Variants in DKK4 observed in about 807,000 individuals in gnomAD.
DKK4 encodes the protein dickkopf-related protein 4.
DKK4 carries 15 observed loss-of-function variants against 14.5 expected under a neutral mutation model. That is an observed-to-expected ratio of 1.03 (90% confidence interval 0.69 to 1.59). DKK4 has a LOEUF of 1.59. DKK4 is among the 40% of genes most tolerant of loss of function. The probability of loss-of-function intolerance (pLI) is 0.00; values close to 1 mark genes in which losing one functional copy is unlikely to be tolerated. For missense variants in DKK4, 272 were observed against 280.3 expected (o/e 0.97, Z 0.21); for synonymous variants, 89 against 105.2 (o/e 0.85, Z 0.94).
the DKK4 span, among the ~76,000 whole-genome samples, chr8:42,386,297 T>C: frequency 6.7e-6 from 1 of 150,336 alleles, no homozygotes; most frequent in African/African-American, 2.4e-5. Context: ...AAAATTACAA[T>C]ACACACACAC....
chr8:42,376,610 C>A (rs1460358829), intron 1 of DKK4, among the ~76,000 whole-genome samples: 1 of 152,140 alleles, frequency 6.6e-6, no homozygotes. Flanking sequence ...GGGAATGTTT[C>A]ACCTATCTCA....
At chr8:42,379,374 TATATAG>T (rs1166810330), upstream of DKK4, among the ~76,000 whole-genome samples, 22 of 48,374 alleles carry the variant, frequency 4.5e-4, no homozygotes, top group South Asian at 7.4e-4. Context: ...TATATATATA[TATATAG>T]AGAGAGAGAG....
upstream of DKK4, among the ~76,000 whole-genome samples, chr8:42,378,943 CAAA>C (rs1166439885): frequency 8.1e-5 from 4 of 49,460 alleles, no homozygotes; most frequent in East Asian, 1.3e-3. Flanking sequence ...CCTGTCTCCA[CAAA>C]AAAAAAAAAA....
intron 3 of DKK4, 65 bp downstream of exon 3, chr8:42,374,696 C>T (rs1824522915): frequency 6.3e-7 from 1 of 1,599,696 alleles, no homozygotes; most frequent in East Asian, 2.2e-5. Flanking sequence ...CTCACCCTAT[C>T]CTTAAGAGGC....
chr8:42,379,408 GAGAGAGAGAGAGAGA>G (rs1563415752), upstream of DKK4, among the ~76,000 whole-genome samples: 17 of 131,054 alleles, frequency 1.3e-4, no homozygotes, highest in African/African-American at 4.2e-4. Flanking sequence ...GAGAGAGAGA[GAGAGAGAGAGAGAGA>G]GAGAAAGATT....
the DKK4 span, among the ~76,000 whole-genome samples, chr8:42,389,416 C>T: frequency 2.6e-5 from 4 of 152,244 alleles, no homozygotes; most frequent in African/African-American, 9.6e-5. Context: ...CACTTTATTT[C>T]GCCTACTAGG....
chr8:42,375,799 T>C lies in DKK4; in HGVS notation c.143A>G (p.Asn48Ser). Reference protein sequence around the residue: ...GSQCLSDTDCNTRKFCLQPRD... With the variant: ...GSQCLSDTDCSTRKFCLQPRD... ...GGGCTGGAGGCAGAACTTTCTGGTA[T>C]TGCAGTCCGTGTCAGACAGGCACTG... The change falls in exon 2 of 4, where the codon AAT becomes AGT. Residue 48 changes from asparagine to serine, a missense_variant. Physicochemically the swap from Asn to Ser is conservative, Grantham distance 46 (BLOSUM62 1). Transcript: ENST00000220812. 5.0e-6 allele frequency: 8 copies of C among 1,614,146 alleles called. No homozygotes were observed. Among genetic ancestry groups the C allele is most frequent in the Non-Finnish European group, 6.8e-6 (8 of 1,180,018 alleles).
Position 42,374,379 on chromosome 8 carries a change from G to A in DKK4, c.416-20C>T, listed in dbSNP as rs746493026. On this transcript the variant is annotated intron_variant, in intron 3 of 3. Transcript: ENST00000220812. ...CTTGTCCTGTAACAAGGTTAATGTG[G>A]GCTTTAGTGATAAATAAGGAAAGTG... 12 of 1,611,020 alleles carry A rather than the reference G, an allele frequency of 7.4e-6. No individual in the cohort carries two copies. The Admixed American group carries it at 1.4e-4, about 18-fold the overall frequency.
At chr8:42,379,601 C>A (rs78258271), upstream of DKK4, among the ~76,000 whole-genome samples, 1 of 151,438 alleles carries the variant, frequency 6.6e-6, no homozygotes, top group Non-Finnish European at 1.5e-5. Flanking sequence ...TAAATACAGA[C>A]GAAGGCATGA....
chr8:42,386,633 CG>C, the DKK4 span, among the ~76,000 whole-genome samples: 2 of 152,096 alleles, frequency 1.3e-5, no homozygotes, highest in Non-Finnish European at 2.9e-5. Flanking sequence ...GGAACACAGA[CG>C]TGCGCCACCA....
At chr8:42,385,865 T>G in the DKK4 span, among the ~76,000 whole-genome samples, 1 of 152,230 alleles carries the variant, frequency 6.6e-6, no homozygotes, top group Non-Finnish European at 1.5e-5. Flanking sequence ...GGAAGAAAAT[T>G]GAAGTCAGAT....
chr8:42,379,378 T>TAGAGAGAG (rs537441477), upstream of DKK4, among the ~76,000 whole-genome samples: 13 of 34,552 alleles, frequency 3.8e-4, 1 homozygote, highest in Non-Finnish European at 5.1e-4. Flanking sequence ...TATATATATA[T>TAGAGAGAG]AGAGAGAGAG....
At chr8:42,389,047 G>C in the DKK4 span, among the ~76,000 whole-genome samples, 1 of 152,172 alleles carries the variant, frequency 6.6e-6, no homozygotes, top group Non-Finnish European at 1.5e-5. Context: ...GGGCTCAAGT[G>C]ATCTTCCCAC....
chr8:42,381,090 C>T (rs940814927), upstream of DKK4, among the ~76,000 whole-genome samples: 2 of 151,746 alleles, frequency 1.3e-5, no homozygotes, highest in Non-Finnish European at 2.9e-5. Flanking sequence ...GTCATTGCCC[C>T]GATGACAATG....
chr8:42,387,687 T>G, the DKK4 span, among the ~76,000 whole-genome samples: 1 of 151,998 alleles, frequency 6.6e-6, no homozygotes, highest in Non-Finnish European at 1.5e-5. Context: ...ATAAGGACAT[T>G]AAGTGTGAAT....
upstream of DKK4, among the ~76,000 whole-genome samples, chr8:42,379,378 T>TATATATATATATAG (rs1166847600): frequency 1.4e-4 from 5 of 34,556 alleles, no homozygotes; most frequent in Non-Finnish European, 2.6e-4. Flanking sequence ...TATATATATA[T>TATATATATATATAG]AGAGAGAGAG....
At chr8:42,376,088 T>C (rs967315964) in intron 1 of DKK4, among the ~76,000 whole-genome samples, 7 of 152,212 alleles carry the variant, frequency 4.6e-5, no homozygotes, top group Non-Finnish European at 1.0e-4. Context: ...CTGTGCTCTT[T>C]GTGAAAATGG....
At chr8:42,384,518 G>C in the DKK4 span, among the ~76,000 whole-genome samples, 1 of 152,106 alleles carries the variant, frequency 6.6e-6, no homozygotes, top group Admixed American at 6.5e-5. Flanking sequence ...AGGTGTTGAG[G>C]TGTATCTGGC....
At chr8:42,383,467 T>A in the DKK4 span, among the ~76,000 whole-genome samples, 1 of 152,238 alleles carries the variant, frequency 6.6e-6, no homozygotes, top group Non-Finnish European at 1.5e-5. Context: ...TGGACCATGT[T>A]CCATGCACGT....
Sources: gnomAD v4.1 joint callset for allele counts (sites outside exome capture counted in the v4.1 genomes callset) on GRCh38, gnomAD v4.1.1 for gene constraint, MANE v1.5 for transcripts, NCBI Gene and HGNC (gene_info 2026-07-23, HGNC 2026-07-21) for gene names.